WASF3: variants seen among roughly 807,000 people sequenced by gnomAD.
The protein encoded by WASF3 is WASP family member 3, also known as actin-binding protein WASF3.
In WASF3, 11 loss-of-function variants were observed where a neutral mutation model predicts 46.6. The observed-to-expected ratio is 0.24, with a 90% CI of 0.15 to 0.39. The LOEUF is 0.39. Ranked by LOEUF, WASF3 falls within the 10% of genes least tolerant of loss-of-function variation. The pLI, the probability that WASF3 is intolerant of heterozygous loss-of-function variation, is 1.00. For synonymous variants in WASF3, 242 were observed against 259.7 expected, an observed-to-expected ratio of 0.93 and a Z score of 0.65; for missense variants, 576 against 669.8, an observed-to-expected ratio of 0.86 and a Z score of 1.55.
intron 3 of WASF3, among the ~76,000 whole-genome samples, chr13:26,659,294 G>T (rs1320811274): frequency 6.6e-6 from 1 of 152,216 alleles, no homozygotes; most frequent in African/African-American, 2.4e-5. Context: ...AAGGCCTGGG[G>T]AGAAGGGGGA....
chr13:26,641,960 G>A lies in WASF3; in HGVS notation c.-10-301G>A, dbSNP rs181594627. On this transcript the variant is annotated intron_variant, in intron 2 of 9. Transcript: ENST00000335327. ...GTTTGTGGCTTGTGTCTCCTCTCTT[G>A]CTCTTGATACATGTGGACTTTTTGC... 7.3e-4 allele frequency: 122 copies of A among 166,642 alleles called. No individual in the cohort carries two copies. In the Middle Eastern group the frequency reaches 0.011, roughly 15 times the overall value. 10.3% of individuals were successfully genotyped at this position (166,642 alleles called of 1,614,324 possible).
chr13:26,681,696 A>G (rs889791966), intron 8 of WASF3, among the ~76,000 whole-genome samples: 4 of 152,186 alleles, frequency 2.6e-5, no homozygotes, highest in African/African-American at 7.2e-5. Flanking sequence ...ACAGACGAGA[A>G]GACCACACCA....
chr13:26,633,572 A>AT (rs1881724397), intron 2 of WASF3, among the ~76,000 whole-genome samples: 1 of 151,948 alleles, frequency 6.6e-6, no homozygotes, highest in African/African-American at 2.4e-5. Flanking sequence ...AGTTCTTTTA[A>AT]TTGTGATGTT....
chr13:26,555,573 C>T (rs1879079591), upstream of WASF3, among the ~76,000 whole-genome samples: 1 of 152,112 alleles, frequency 6.6e-6, no homozygotes, highest in Non-Finnish European at 1.5e-5. Context: ...GCATGCACCT[C>T]TTTGATCTTT....
chr13:26,600,050 C>T (rs925548108), intron 1 of WASF3, among the ~76,000 whole-genome samples: 4 of 152,066 alleles, frequency 2.6e-5, no homozygotes, highest in African/African-American at 7.2e-5. Context: ...CTTTGGGCTC[C>T]GAAGATTAAA....
intron 6 of WASF3, among the ~76,000 whole-genome samples, chr13:26,673,556 G>A (rs1405966631): frequency 2.0e-5 from 3 of 152,226 alleles, no homozygotes. Flanking sequence ...ATATAGGTCC[G>A]CTTCATATGG....
chr13:26,605,076 C>T lies in WASF3; in HGVS notation c.-108-7885C>T, dbSNP rs9553872. On this transcript the variant is annotated intron_variant, in intron 1 of 9. Transcript: ENST00000335327. ...GTCAGTGCTTCCACCCTCAGGACCTCTGCCCCTCTGTCCAGCTGCCCTGCT... is the reference window on the plus strand; with the variant it reads ...GTCAGTGCTTCCACCCTCAGGACCTTTGCCCCTCTGTCCAGCTGCCCTGCT... Among the ~76,000 whole-genome samples the T allele has an allele frequency of 4.2e-3, 645 of 152,288 alleles. 36 individuals carry two copies. In the East Asian group the frequency reaches 0.11, roughly 25 times the overall value.
intron 3 of WASF3, among the ~76,000 whole-genome samples, chr13:26,662,356 T>A (rs569868622): frequency 6.6e-6 from 1 of 152,228 alleles, no homozygotes; most frequent in African/African-American, 2.4e-5. Flanking sequence ...TGCACTTGTA[T>A]GTTCATCACA....
chr13:26,681,204 A>G lies in WASF3; in HGVS notation c.867A>G (p.Pro289=), dbSNP rs1282373350. 1 of 1,613,878 alleles carries G rather than the reference A, an allele frequency of 6.2e-7. No homozygotes were observed. Among genetic ancestry groups the G allele is most frequent in the East Asian group, 2.2e-5 (1 of 44,850 alleles). Residue 289 remains proline, a synonymous_variant, in exon 8 of 10, where the codon CCA becomes CCG. Transcript: ENST00000335327. The part of the protein sequence containing the change: ...SQAAEHEYRP[P]SASARHMALN... Reference sequence around the variant, plus strand: ...CTGCGGAGCATGAGTACCGGCCCCCATCTGCCTCGGCGAGGCACATGGCCC... The same window carrying G: ...CTGCGGAGCATGAGTACCGGCCCCCGTCTGCCTCGGCGAGGCACATGGCCC...
At chr13:26,575,090 C>T (rs1215766669) in intron 1 of WASF3, among the ~76,000 whole-genome samples, 1 of 152,180 alleles carries the variant, frequency 6.6e-6, no homozygotes, top group Non-Finnish European at 1.5e-5. Flanking sequence ...CCCACCTTGG[C>T]CTCCCACAGC....
At chr13:26,577,619 A>C in intron 1 of WASF3, 1 of 1,187,558 alleles carries the variant, frequency 8.4e-7, no homozygotes. Context: ...TGGGAGCAAG[A>C]CAGGTGCTAA....
chr13:26,614,973 T>A (rs1197277680), intron 2 of WASF3, among the ~76,000 whole-genome samples: 1 of 151,884 alleles, frequency 6.6e-6, no homozygotes, highest in African/African-American at 2.4e-5. Flanking sequence ...GGTGGCACAC[T>A]CTGATTAGCT....
chr13:26,648,543 T>C lies in WASF3; in HGVS notation c.133+6140T>C, dbSNP rs370980518. ...CTTGGATGTTTTTAGCCAAACAAGA[T>C]TTTTTGGGGAGGTGAGGAAGATAGA... On this transcript the variant is annotated intron_variant, in intron 3 of 9. Coordinates refer to ENST00000335327, the MANE Select transcript of WASF3 (RefSeq NM_006646.6). Among the ~76,000 whole-genome samples, 24 of 152,206 alleles carry C rather than the reference T, an allele frequency of 1.6e-4. No homozygotes were observed. In the East Asian group the frequency reaches 4.4e-3, roughly 28 times the overall value.
chr13:26,664,075 G>A (rs1882704902), intron 3 of WASF3, among the ~76,000 whole-genome samples: 1 of 152,148 alleles, frequency 6.6e-6, no homozygotes, highest in African/African-American at 2.4e-5. Context: ...ACAGTCTCAT[G>A]GATTATAGCA....
intron 1 of WASF3, among the ~76,000 whole-genome samples, chr13:26,584,082 T>TG (rs1880060493): frequency 6.6e-6 from 1 of 152,232 alleles, no homozygotes; most frequent in South Asian, 2.1e-4. Flanking sequence ...CAATTGGTTT[T>TG]GCAGGATTAT....
intron 2 of WASF3, chr13:26,625,993 G>A (rs1425870164): frequency 6.6e-6 from 1 of 152,162 alleles, no homozygotes; most frequent in Admixed American, 6.6e-5. Context: ...CCAAAGAACA[G>A]GTGGGACAAA....
chr13:26,558,120 C>T (rs1373049291), intron 1 of WASF3, among the ~76,000 whole-genome samples: 1 of 151,858 alleles, frequency 6.6e-6, no homozygotes, highest in Non-Finnish European at 1.5e-5. Flanking sequence ...CTTTGCCGTC[C>T]GGTGCGCGCT....
At chr13:26,646,031 T>C (rs898358750) in intron 3 of WASF3, among the ~76,000 whole-genome samples, 3 of 152,218 alleles carry the variant, frequency 2.0e-5, no homozygotes, top group Non-Finnish European at 2.9e-5. Flanking sequence ...TGGGTTCTGC[T>C]TAGAAGTTAA....
intron 2 of WASF3, among the ~76,000 whole-genome samples, chr13:26,630,150 CTGT>C (rs879335012): frequency 5.3e-5 from 8 of 151,992 alleles, no homozygotes; most frequent in Non-Finnish European, 8.8e-5. Flanking sequence ...ATGAGTTTTA[CTGT>C]TGTTAAGTTT....
Sources: allele counts gnomAD v4.1 joint callset (sites outside exome capture counted in the v4.1 genomes callset), GRCh38; gene constraint gnomAD v4.1.1; transcripts MANE v1.5; gene names NCBI Gene and HGNC (gene_info 2026-07-23, HGNC 2026-07-21).